Variants in TMEM255A observed in about 807,000 individuals in gnomAD.
The protein encoded by TMEM255A is family with sequence similarity 70, member A.
A neutral mutation model predicts 23.5 loss-of-function variants in TMEM255A; 14 were observed. The ratio of observed to expected loss-of-function variants is 0.60; its 90% CI spans 0.39 to 0.93. TMEM255A has a LOEUF of 0.93. TMEM255A is among the 40% of genes least tolerant of loss of function. The pLI is 0.00. For missense variants in TMEM255A, 233 were observed against 261.7 expected, an observed-to-expected ratio of 0.89 and a Z score of 0.76; for synonymous variants, 104 against 100.3, an observed-to-expected ratio of 1.04 and a Z score of -0.22.
At chrX:120,277,996 A>G (rs1467273901) in intron 6 of TMEM255A, among the ~76,000 whole-genome samples, 3 of 112,011 alleles carry the variant, frequency 2.7e-5, no homozygotes, top group Non-Finnish European at 5.6e-5. Flanking sequence ...TTAAAGTTAA[A>G]TGAGGCCACA....
At chrX:120,301,568 T>G (rs1556026007) in intron 2 of TMEM255A, among the ~76,000 whole-genome samples, 1 of 111,640 alleles carries the variant, frequency 9.0e-6, no homozygotes, top group Non-Finnish European at 1.9e-5. Flanking sequence ...TCCACCTGAA[T>G]TAGACTCCCC....
chrX:120,305,981 C>A (rs62612923), intron 1 of TMEM255A, among the ~76,000 whole-genome samples: 6,913 of 111,575 alleles, frequency 0.062, 223 homozygotes, highest in Non-Finnish European at 0.093. Flanking sequence ...AGGGTCATTT[C>A]TAATATGGGA....
At chrX:120,299,586 A>T (rs2147216055) in intron 2 of TMEM255A, among the ~76,000 whole-genome samples, 1 of 112,015 alleles carries the variant, frequency 8.9e-6, no homozygotes, top group South Asian at 3.8e-4. Flanking sequence ...AAGTGATGGG[A>T]TTACAGGCAT....
intron 7 of TMEM255A, among the ~76,000 whole-genome samples, chrX:120,275,784 ATTT>A (rs11342181): frequency 5.0e-5 from 3 of 60,247 alleles, no homozygotes; most frequent in African/African-American, 7.1e-5. Context: ...GAGCCCAAGC[ATTT>A]TTTTTTTTTT....
At chrX:120,303,899 C>A (rs1556026499) in intron 2 of TMEM255A, among the ~76,000 whole-genome samples, 1 of 111,263 alleles carries the variant, frequency 9.0e-6, no homozygotes, top group Admixed American at 9.6e-5. Flanking sequence ...AACATATCTT[C>A]CACAGCTTTT....
chrX:120,305,098 G>T (rs1257140413), intron 1 of TMEM255A, among the ~76,000 whole-genome samples: 1 of 111,059 alleles, frequency 9.0e-6, no homozygotes, highest in Non-Finnish European at 1.9e-5. Flanking sequence ...GTGTTTGGAG[G>T]CCATTAGTCC....
At chrX:120,297,161 T>C (rs1437172185) in intron 2 of TMEM255A, among the ~76,000 whole-genome samples, 1 of 54,391 alleles carries the variant, frequency 1.8e-5, no homozygotes, top group Non-Finnish European at 3.0e-5. Context: ...TATTATAATA[T>C]ATATATTATA....
Position 120,260,864 on chromosome X carries a change from T to G in TMEM255A, c.*6A>C, listed in dbSNP as rs1556016476. 1.7e-6 allele frequency: 2 copies of G among 1,202,377 alleles called. No individual in the cohort carries two copies. Among genetic ancestry groups the G allele is most frequent in the Non-Finnish European group, 2.2e-6 (2 of 892,440 alleles). ...AATAATCTCAATAGCCAGCAGGCAT[T>G]CCTCTTTAGGGACTGTAAGGTGGTG... is the stretch of plus-strand genomic sequence containing the variant. On this transcript the variant is annotated 3_prime_UTR_variant, in exon 9 of 9. Transcript: ENST00000371369.
intron 4 of TMEM255A, 117 bp from the exon 5 acceptor site, chrX:120,287,339 A>ACACACAC: frequency 1.6e-5 from 9 of 553,736 alleles, no homozygotes; most frequent in Admixed American, 1.3e-4. Flanking sequence ...ACACACACAG[A>ACACACAC]AGCAGGCAGG....
Sources: allele counts gnomAD v4.1 joint callset (sites outside exome capture counted in the v4.1 genomes callset), GRCh38; gene constraint gnomAD v4.1.1; transcripts MANE v1.5; gene names NCBI Gene and HGNC (gene_info 2026-07-23, HGNC 2026-07-21).